Variants in RLN2 observed in about 807,000 individuals in gnomAD.
RLN2 encodes the protein relaxin 2.
A neutral mutation model predicts 7.3 loss-of-function variants in RLN2; 10 were observed. That is an observed-to-expected ratio of 1.36 (90% CI 0.84 to 2.31). The LOEUF is 2.31. RLN2 is among the 30% of genes most tolerant of loss of function. The pLI is 0.00. For missense variants in RLN2, 298 were observed against 217.6 expected, an observed-to-expected ratio of 1.37 and a Z score of -2.32; for synonymous variants, 103 against 82.3, an observed-to-expected ratio of 1.25 and a Z score of -1.36.
the RLN2 span, among the ~76,000 whole-genome samples, chr9:5,314,783 C>G: frequency 5.3e-5 from 8 of 151,990 alleles, no homozygotes; most frequent in African/African-American, 1.9e-4. Flanking sequence ...TCACACCTGG[C>G]TTCACAGAAT....
chr9:5,309,795 G>T, the RLN2 span, among the ~76,000 whole-genome samples: 1,902 of 152,054 alleles, frequency 0.013, 25 homozygotes, highest in Middle Eastern at 0.031. Flanking sequence ...ACACATCTGG[G>T]TTGAAGGAAA....
chr9:5,330,551 C>T, the RLN2 span, among the ~76,000 whole-genome samples: 23 of 146,796 alleles, frequency 1.6e-4, no homozygotes, highest in South Asian at 4.3e-4. Flanking sequence ...GGCAGGAGAA[C>T]GGCATGAACT....
chr9:5,310,366 C>A, the RLN2 span, among the ~76,000 whole-genome samples: 1 of 151,802 alleles, frequency 6.6e-6, no homozygotes, highest in East Asian at 1.9e-4. Flanking sequence ...AATTTCATAC[C>A]CTTCCTCCCT....
the RLN2 span, chr9:5,335,301 TCTCAAAC>T: frequency 2.5e-6 from 4 of 1,603,994 alleles, no homozygotes; most frequent in Non-Finnish European, 2.5e-6. Flanking sequence ...AGGCAACATT[TCTCAAAC>T]AGTGCCACGT....
At chr9:5,307,265 GATAGAGGATA>G (rs1816269146), upstream of RLN2, among the ~76,000 whole-genome samples, 1 of 96,278 alleles carries the variant, frequency 1.0e-5, no homozygotes, top group Non-Finnish European at 2.1e-5. Flanking sequence ...TAGATAGATA[GATAGAGGATA>G]GATAGATAGA....
the RLN2 span, among the ~76,000 whole-genome samples, chr9:5,319,363 G>A: frequency 2.0e-5 from 3 of 151,862 alleles, no homozygotes; most frequent in South Asian, 2.1e-4. Context: ...AGAACAAGAC[G>A]AATGGCTCAG....
chr9:5,308,543 C>A (rs1490058905), upstream of RLN2, among the ~76,000 whole-genome samples: 1 of 152,026 alleles, frequency 6.6e-6, no homozygotes, highest in Admixed American at 6.6e-5. Flanking sequence ...TCTGACCATA[C>A]AATCCAGCCA....
At chr9:5,322,518 T>C in the RLN2 span, among the ~76,000 whole-genome samples, 1 of 152,080 alleles carries the variant, frequency 6.6e-6, no homozygotes, top group Non-Finnish European at 1.5e-5. Flanking sequence ...AAGCAAGCTG[T>C]GATCTTCCTT....
At chr9:5,314,723 C>T in the RLN2 span, among the ~76,000 whole-genome samples, 1 of 152,002 alleles carries the variant, frequency 6.6e-6, no homozygotes, top group Admixed American at 6.6e-5. Context: ...CCCTTCCTTC[C>T]AGGGCCCAAG....
the RLN2 span, among the ~76,000 whole-genome samples, chr9:5,323,407 A>G: frequency 6.6e-6 from 1 of 152,016 alleles, no homozygotes; most frequent in Non-Finnish European, 1.5e-5. Flanking sequence ...TATATAAAGA[A>G]AACAAATTCC....
At chr9:5,334,520 G>A in the RLN2 span, among the ~76,000 whole-genome samples, 5 of 151,936 alleles carry the variant, frequency 3.3e-5, no homozygotes, top group Non-Finnish European at 7.4e-5. Flanking sequence ...TACAGAAATA[G>A]TAAATTCTAA....
At chr9:5,331,886 A>C in the RLN2 span, among the ~76,000 whole-genome samples, 8 of 152,060 alleles carry the variant, frequency 5.3e-5, no homozygotes, top group Non-Finnish European at 8.8e-5. Flanking sequence ...TGCAGTATCT[A>C]TTAATATGAA....
At chr9:5,334,518 T>C in the RLN2 span, among the ~76,000 whole-genome samples, 116 of 152,180 alleles carry the variant, frequency 7.6e-4, 1 homozygote, top group Non-Finnish European at 1.4e-3. Flanking sequence ...CTTACAGAAA[T>C]AGTAAATTCT....
the RLN2 span, chr9:5,311,520 T>C: frequency 1.1e-5 from 8 of 720,028 alleles, no homozygotes; most frequent in Non-Finnish European, 2.0e-5. Context: ...GAGAAGATCA[T>C]GAGGTTGTCT....
chr9:5,315,918 A>C, the RLN2 span, among the ~76,000 whole-genome samples: 3 of 152,084 alleles, frequency 2.0e-5, no homozygotes, highest in Non-Finnish European at 4.4e-5. Context: ...GAAATTCATT[A>C]CCACTATACC....
chr9:5,306,010 G>C (rs184312279), upstream of RLN2, among the ~76,000 whole-genome samples: 1 of 151,666 alleles, frequency 6.6e-6, no homozygotes, highest in Admixed American at 6.6e-5. Context: ...TTTGTGGGTT[G>C]ACAGTCCTTG....
chr9:5,326,207 A>T, the RLN2 span, among the ~76,000 whole-genome samples: 1 of 152,178 alleles, frequency 6.6e-6, no homozygotes. Context: ...TGTTTATAAC[A>T]AAAACACAAA....
At chr9:5,305,956 C>A (rs926759211), upstream of RLN2, among the ~76,000 whole-genome samples, 4 of 151,852 alleles carry the variant, frequency 2.6e-5, no homozygotes, top group Admixed American at 6.6e-5. Context: ...CATTAAAACA[C>A]GCAGTTTGAG....
intron 1 of RLN2, 59 bp downstream of exon 1, chr9:5,304,311 C>T (rs1816190762): frequency 1.6e-6 from 2 of 1,263,422 alleles, no homozygotes; most frequent in African/African-American, 3.4e-5. Flanking sequence ...AATTGGGCGG[C>T]CGCCCCAGAG....
Sources: gnomAD v4.1 joint callset for allele counts (sites outside exome capture counted in the v4.1 genomes callset) on GRCh38, gnomAD v4.1.1 for gene constraint, MANE v1.5 for transcripts, NCBI Gene and HGNC (gene_info 2026-07-23, HGNC 2026-07-21) for gene names.